ATP13A1: variants seen among roughly 807,000 people sequenced by gnomAD.
ATP13A1 encodes endoplasmic reticulum transmembrane helix translocase.
A neutral mutation model predicts 134.8 loss-of-function variants in ATP13A1; 55 were observed. The ratio of observed to expected loss-of-function variants is 0.41; its 90% CI spans 0.33 to 0.51. The LOEUF (loss-of-function observed/expected upper bound fraction) is 0.51, where lower values mean the gene tolerates loss of function less well. Ranked by LOEUF, ATP13A1 falls within the 20% of genes least tolerant of loss-of-function variation. The pLI, the probability that ATP13A1 is intolerant of heterozygous loss-of-function variation, is 0.29. For missense variants in ATP13A1, 1,389 were observed against 1,652.8 expected, an observed-to-expected ratio of 0.84 and a Z score of 2.77; for synonymous variants, 775 against 725.1, an observed-to-expected ratio of 1.07 and a Z score of -1.10.
chr19:19,658,149 CAA>C (rs61328844), intron 3 of ATP13A1, among the ~76,000 whole-genome samples: 2,612 of 66,220 alleles, frequency 0.039, 84 homozygotes, highest in African/African-American at 0.15. Context: ...ACCCTGTCTC[CAA>C]AAAAAAAAAA....
In ATP13A1 at chr19:19,656,621, T is replaced by C. The variant is rs746242736; in HGVS notation, c.1083+39A>G. 5 of 1,595,138 alleles carry C rather than the reference T, an allele frequency of 3.1e-6. No homozygotes were observed. The South Asian group carries it at 5.6e-5, about 18-fold the overall frequency. Reference sequence around the variant, plus strand: ...GGCCTCCACCTCCTGGCCTGTTTCCTCCTGAACAGCTTGAGGATCCCCATC... The same window carrying C: ...GGCCTCCACCTCCTGGCCTGTTTCCCCCTGAACAGCTTGAGGATCCCCATC... On this transcript the variant is annotated intron_variant, in intron 7 of 25. Transcript: ENST00000357324. The surrounding 1 kb of genome is among the most constrained non-coding windows in gnomAD (Gnocchi z 4.6).
At chr19:19,649,036 C>T (rs572120973) in intron 19 of ATP13A1, among the ~76,000 whole-genome samples, 26 of 150,642 alleles carry the variant, frequency 1.7e-4, no homozygotes, top group Non-Finnish European at 3.3e-4. Flanking sequence ...GCAGGAGAAT[C>T]GCTTGAACCC....
chr19:19,656,243 A>C lies in ATP13A1; in HGVS notation c.1084-60T>G, dbSNP rs1015047706. On this transcript the variant is annotated intron_variant, in intron 7 of 25. Coordinates refer to ENST00000357324, the MANE Select transcript of ATP13A1 (RefSeq NM_020410.3). This position sits in a 1 kb window ranked among gnomAD's most constrained non-coding sequence, Gnocchi z 4.6. The stretch of plus-strand genomic sequence containing the variant: ...CCTACCTTGCTTCCTTCTCCATCTG[A>C]GTTCCTGGACAGCTGGACCTTGAGG... 2.5e-5 allele frequency: 39 copies of C among 1,549,356 alleles called. No individual in the cohort carries two copies. The highest frequency in any genetic ancestry group is 3.2e-5 in the Non-Finnish European group (37 of 1,147,406).
At chr19:19,658,309 G>A (rs1398554548) in intron 3 of ATP13A1, among the ~76,000 whole-genome samples, 1 of 152,086 alleles carries the variant, frequency 6.6e-6, no homozygotes, top group Non-Finnish European at 1.5e-5. Flanking sequence ...GACGTCTTAT[G>A]TATGGGATGT....
intron 22 of ATP13A1, 155 bp from the exon 23 acceptor site, chr19:19,646,502 G>T: frequency 1.1e-6 from 1 of 902,090 alleles, no homozygotes; most frequent in Non-Finnish European, 1.7e-6. Context: ...CCAGTCCCTG[G>T]ATCCCTGCCT....
At position 19,656,291 on chromosome 19, in the gene ATP13A1, C is replaced by T; in HGVS notation, c.1084-108G>A. The T allele has an allele frequency of 2.1e-6, 3 of 1,444,560 alleles. No individual in the cohort carries two copies. Among genetic ancestry groups the T allele is most frequent in the Non-Finnish European group, 2.8e-6 (3 of 1,076,826 alleles). 89.5% of individuals were successfully genotyped at this position (1,444,560 alleles called of 1,614,324 possible). A position where few individuals can be genotyped will look rare whatever the true frequency, so the allele number is the denominator to read the frequency against. Reference sequence around the variant, plus strand: ...AGGCTGGAATGAGCCAGGGGGATCCCCACCCGACCAATACATCCCACCCAG... The same window carrying T: ...AGGCTGGAATGAGCCAGGGGGATCCTCACCCGACCAATACATCCCACCCAG... On this transcript the variant is annotated intron_variant, in intron 7 of 25. Transcript: ENST00000357324. This position sits in a 1 kb window ranked among gnomAD's most constrained non-coding sequence, Gnocchi z 4.6.
In ATP13A1 at chr19:19,645,710, G is replaced by A. The variant is rs755663907; in HGVS notation, c.3441C>T (p.Gly1147=). ...SLAVSLLAII[G]LLLGSSPDFN... ...AGTCGGGCGAGGAGCCGAGGAGCAG[G>A]CCAATGATGGCCAGGAGTGAAACTG... The change falls in exon 25 of 26, where the codon GGC becomes GGT. Residue 1147 remains glycine, a synonymous_variant. Transcript: ENST00000357324. The surrounding 1 kb of genome is among the most constrained non-coding windows in gnomAD (Gnocchi z 4.1). 2 of 1,590,498 alleles carry A rather than the reference G, an allele frequency of 1.3e-6. No individual in the cohort carries two copies. The highest frequency in any genetic ancestry group is 1.7e-6 in the Non-Finnish European group (2 of 1,168,934).
At chr19:19,646,680 C>T (rs1256363397) in intron 22 of ATP13A1, 7 of 418,606 alleles carry the variant, frequency 1.7e-5, no homozygotes, top group African/African-American at 7.9e-5. Flanking sequence ...CTCCAGCCAC[C>T]GGGGACTCCC....
chr19:19,649,819 C>A lies in ATP13A1; in HGVS notation c.2457G>T (p.Leu819=), dbSNP rs762504733. 1 of 1,602,340 alleles carries A rather than the reference C, an allele frequency of 6.2e-7. No individual in the cohort carries two copies. The highest frequency in any genetic ancestry group is 1.3e-5 in the African/African-American group (1 of 74,828). The change falls in exon 18 of 26, where the codon CTG becomes CTT. Residue 819 remains leucine, a synonymous_variant. Coordinates refer to ENST00000357324, the MANE Select transcript of ATP13A1 (RefSeq NM_020410.3). ...GCAGCTGCTGGGGGTCGGTGGCCTG[C>A]AGGTGGGCCAAGCCGTCGCCTGTGA... ...LCLTGDGLAH[L]QATDPQQLLR...
intron 3 of ATP13A1, 68 bp from the exon 4 acceptor site, chr19:19,657,476 C>G (rs993527331): frequency 2.2e-5 from 32 of 1,438,748 alleles, no homozygotes; most frequent in Non-Finnish European, 2.9e-5. Flanking sequence ...TCCACCCTGA[C>G]CCCTCCAACC....
intron 3 of ATP13A1, among the ~76,000 whole-genome samples, chr19:19,659,217 G>A (rs1441772620): frequency 1.3e-5 from 2 of 152,212 alleles, no homozygotes; most frequent in African/African-American, 2.4e-5. Flanking sequence ...CACTTTGGGA[G>A]GCCAACATGG....
intron 1 of ATP13A1, 143 bp downstream of exon 1, chr19:19,663,128 C>CA: frequency 8.0e-7 from 1 of 1,255,542 alleles, no homozygotes; most frequent in East Asian, 2.5e-5. Flanking sequence ...AAGCCTGCGC[C>CA]AAAGTGTAGA....
Position 19,647,623 on chromosome 19 carries a change from G to T in ATP13A1, c.2769C>A (p.Ser923=), listed in dbSNP as rs1480659231. The T allele has an allele frequency of 6.2e-7, 1 of 1,613,376 alleles. No homozygotes were observed. The highest frequency in any genetic ancestry group is 1.1e-5 in the South Asian group (1 of 91,070). The change falls in exon 20 of 26, where the codon TCC becomes TCA. Residue 923 remains serine, a synonymous_variant. Transcript: ENST00000357324. This position sits in a 1 kb window ranked among gnomAD's most constrained non-coding sequence, Gnocchi z 4.8. ...CCCTCTGGGAGGTTGGCTGCTCCTC[G>T]GAGGGAGGGAGCCCCGACCGCTGCT... ...TAKQRSGLPP[S]EEQPTSQRDR...
chr19:19,661,843 A>C (rs1402923388), intron 1 of ATP13A1, among the ~76,000 whole-genome samples: 1 of 152,224 alleles, frequency 6.6e-6, no homozygotes, highest in East Asian at 1.9e-4. Context: ...CCTCCAAAGC[A>C]GGCAGCAAAT....
rs1468557360 is a variant in ATP13A1, at chr19:19,652,502, G to A, written c.2226+93C>T. On this transcript the variant is annotated intron_variant, in intron 16 of 25. Transcript: ENST00000357324. ...CTCAGCTAAAACATGCAGCCTGTGA[G>A]ACTTGGGTGCCCACCCCTACCACGA... 4 of 1,472,600 alleles carry A rather than the reference G, an allele frequency of 2.7e-6. No individual in the cohort carries two copies. The Admixed American group carries it at 8.6e-5, about 32-fold the overall frequency. The allele number at this position is 1,472,600 out of a possible 1,614,324, so 91.2% of individuals were successfully genotyped here.
At chr19:19,662,242 C>A (rs777984296) in intron 1 of ATP13A1, 18 of 1,498,932 alleles carry the variant, frequency 1.2e-5, no homozygotes, top group African/African-American at 1.1e-4. Context: ...TTTCATTGTA[C>A]TACCTCAAAG....
At chr19:19,648,175 C>T (rs2061999019) in intron 19 of ATP13A1, among the ~76,000 whole-genome samples, 1 of 151,602 alleles carries the variant, frequency 6.6e-6, no homozygotes, top group Non-Finnish European at 1.5e-5. Flanking sequence ...AAAAATTAGC[C>T]AGGGGTGGTG....
At chr19:19,650,289 CCCA>C (rs1421944893) in intron 17 of ATP13A1, 1 of 326,934 alleles carries the variant, frequency 3.1e-6, no homozygotes, top group African/African-American at 2.2e-5. Flanking sequence ...CTTGGGAAAC[CCCA>C]CACCAGGCCC....
At position 19,653,664 on chromosome 19, in the gene ATP13A1, C is replaced by T. The variant is rs1016615713; in HGVS notation, c.2100+120G>A. The T allele has an allele frequency of 2.1e-5, 20 of 936,238 alleles. No individual in the cohort carries two copies. The highest frequency in any genetic ancestry group is 9.9e-5 in the African/African-American group (6 of 60,430). 58.0% of individuals were successfully genotyped at this position (936,238 alleles called of 1,614,324 possible). On this transcript the variant is annotated intron_variant, in intron 15 of 25. Transcript: ENST00000357324. This position sits in a 1 kb window ranked among gnomAD's most constrained non-coding sequence, Gnocchi z 4.2. Reference sequence around the variant, plus strand: ...AGTCTCCAAAGGTAGAAGCTGGAGGCGGGGCAAGGAGGACAAAATCACAAC... The same window carrying T: ...AGTCTCCAAAGGTAGAAGCTGGAGGTGGGGCAAGGAGGACAAAATCACAAC...
Sources: allele counts gnomAD v4.1 joint callset (sites outside exome capture counted in the v4.1 genomes callset), GRCh38; gene constraint gnomAD v4.1.1; non-coding constraint Gnocchi (gnomAD v3.1); transcripts MANE v1.5; gene names NCBI Gene and HGNC (gene_info 2026-07-23, HGNC 2026-07-21).